Variants in PALS1 observed in about 807,000 individuals in gnomAD.
The protein encoded by PALS1 is protein associated with LIN7 1, MAGUK p55 family member, also known as protein PALS1.
In PALS1, 31 loss-of-function variants were observed where a neutral mutation model predicts 78.9. The ratio of observed to expected loss-of-function variants is 0.39; its 90% confidence interval spans 0.30 to 0.53. The LOEUF is 0.53. Among genes scored for constraint, PALS1 ranks in the 20% least tolerant of loss-of-function variants. The pLI is 0.67. For missense variants in PALS1, 704 were observed against 826.5 expected (o/e 0.85, Z 1.82); for synonymous variants, 276 against 270.9 (o/e 1.02, Z -0.18).
Position 67,292,831 on chromosome 14 carries a change from G to A in PALS1, c.576+112G>A, listed in dbSNP as rs1479140715. ...ATAAGATTTGTTTGAATTAATTACT[G>A]TTAATTACATGTTAATAATGTATTG... On this transcript the variant is annotated intron_variant, in intron 4 of 14. Coordinates refer to ENST00000261681, the MANE Select transcript of PALS1 (RefSeq NM_022474.4). 1.6e-5 allele frequency: 12 copies of A among 764,428 alleles called. No homozygotes were observed. The East Asian group carries it at 2.5e-4, about 16-fold the overall frequency. 47.4% of individuals were successfully genotyped at this position (764,428 alleles called of 1,614,324 possible).
intron 4 of PALS1, among the ~76,000 whole-genome samples, chr14:67,298,992 T>C (rs552496118): frequency 7.9e-5 from 12 of 152,346 alleles, no homozygotes; most frequent in African/African-American, 2.9e-4. Context: ...TCCATGTTGT[T>C]CTTGTATCAG....
rs745953524 is a variant in PALS1 at position 67,334,787 on chromosome 14, A to AAAACT, written c.*1834_*1838dup. The AAAACT allele has an allele frequency of 2.6e-5, 4 of 152,358 alleles. No individual in the cohort carries two copies. Among genetic ancestry groups the AAAACT allele is most frequent in the Non-Finnish European group, 5.9e-5 (4 of 68,034 alleles). 9.4% of individuals were successfully genotyped at this position (152,358 alleles called of 1,614,324 possible). ...CAGGTCACACCGATTTTTAGCATTAAAAACTAAGGAATATACTTAGCACTT... is the reference window on the plus strand; with the variant it reads ...CAGGTCACACCGATTTTTAGCATTAAAAACTAAACTAAGGAATATACTTAGCACTT... On this transcript the variant is annotated 3_prime_UTR_variant, in exon 15 of 15. Coordinates refer to ENST00000261681, the MANE Select transcript of PALS1 (RefSeq NM_022474.4).
chr14:67,255,065 C>G (rs576390981), intron 1 of PALS1, among the ~76,000 whole-genome samples: 47 of 152,236 alleles, frequency 3.1e-4, no homozygotes, highest in Admixed American at 1.6e-3. Flanking sequence ...AGGAGAATCG[C>G]TTGAACCTGG....
chr14:67,262,824 A>C (rs917182371), intron 1 of PALS1, among the ~76,000 whole-genome samples: 1 of 152,164 alleles, frequency 6.6e-6, no homozygotes, highest in Non-Finnish European at 1.5e-5. Flanking sequence ...TTATTCTCCA[A>C]CTAGGCCATA....
intron 7 of PALS1, among the ~76,000 whole-genome samples, chr14:67,303,226 A>G (rs2084953628): frequency 6.6e-6 from 1 of 152,178 alleles, no homozygotes; most frequent in African/African-American, 2.4e-5. Context: ...TTTGAGTGCA[A>G]TTTATGATCA....
chr14:67,317,946 T>C (rs993130533), intron 11 of PALS1, among the ~76,000 whole-genome samples: 18 of 152,216 alleles, frequency 1.2e-4, no homozygotes, highest in Non-Finnish European at 2.6e-4. Flanking sequence ...GCTCTGATAA[T>C]GTTGGGCTAG....
At chr14:67,290,893 G>A (rs1295604680) in intron 3 of PALS1, among the ~76,000 whole-genome samples, 1 of 152,222 alleles carries the variant, frequency 6.6e-6, no homozygotes, top group Non-Finnish European at 1.5e-5. Flanking sequence ...GAAAAATAAA[G>A]TTAAATTTTT....
chr14:67,266,855 A>AGGC (rs2084334189), intron 1 of PALS1, among the ~76,000 whole-genome samples: 3 of 152,004 alleles, frequency 2.0e-5, no homozygotes, highest in Non-Finnish European at 4.4e-5. Flanking sequence ...CATGCCTGTA[A>AGGC]TCCCAGCATG....
intron 3 of PALS1, among the ~76,000 whole-genome samples, chr14:67,291,648 A>G (rs1014795143): frequency 3.9e-5 from 6 of 152,210 alleles, no homozygotes; most frequent in Non-Finnish European, 8.8e-5. Context: ...ATTTATGCAC[A>G]CTAACAGGCA....
intron 1 of PALS1, among the ~76,000 whole-genome samples, chr14:67,266,440 C>T (rs2084325782): frequency 6.6e-6 from 1 of 152,072 alleles, no homozygotes; most frequent in Admixed American, 6.5e-5. Flanking sequence ...ATTCTCATGC[C>T]TCAGCCTGCC....
In PALS1 at chr14:67,317,458, T is replaced by G. The variant is rs748512550; in HGVS notation, c.1348T>G (p.Tyr450Asp). ...TAAAAAGAAGAGGAAAAAGGTTTTA[T>G]ATAATGCCAATAAAAATGATGGTAA... is the stretch of plus-strand genomic sequence containing the variant. ...KNKKKRKKVL[Y>D]NANKNDDYDN... is the part of the protein sequence containing the mutation. The change falls in exon 11 of 15, where the codon TAT (tyrosine) becomes GAT (aspartate). Residue 450 changes from tyrosine (Y) to aspartate (D), a missense_variant. Coordinates refer to ENST00000261681, the MANE Select transcript of PALS1 (RefSeq NM_022474.4). 1 of 1,610,484 alleles carries G rather than the reference T, an allele frequency of 6.2e-7. No individual in the cohort carries two copies. The highest frequency in any genetic ancestry group is 8.5e-7 in the Non-Finnish European group (1 of 1,177,404).
intron 4 of PALS1, among the ~76,000 whole-genome samples, chr14:67,297,770 T>G (rs925231309): frequency 6.6e-6 from 1 of 152,198 alleles, no homozygotes; most frequent in Admixed American, 6.6e-5. Flanking sequence ...CTCTCTTCCT[T>G]TCATTGAATT....
At chr14:67,261,824 A>G (rs988941671) in intron 1 of PALS1, among the ~76,000 whole-genome samples, 1 of 152,128 alleles carries the variant, frequency 6.6e-6, no homozygotes, top group Non-Finnish European at 1.5e-5. Context: ...AGGTACTAAA[A>G]TAAACTTGTA....
intron 3 of PALS1, among the ~76,000 whole-genome samples, chr14:67,290,073 C>G (rs2140800018): frequency 6.6e-6 from 1 of 151,826 alleles, no homozygotes; most frequent in Admixed American, 6.5e-5. Flanking sequence ...TGCCTGGCCT[C>G]CCTGTCTTTT....
chr14:67,300,107 G>A (rs1050180921), intron 4 of PALS1, among the ~76,000 whole-genome samples: 13 of 152,034 alleles, frequency 8.6e-5, no homozygotes, highest in Non-Finnish European at 1.6e-4. Flanking sequence ...TTGCTGTGCC[G>A]TCCTGTTTAT....
chr14:67,249,866 G>A (rs2084041579), intron 1 of PALS1, among the ~76,000 whole-genome samples: 1 of 152,176 alleles, frequency 6.6e-6, no homozygotes, highest in South Asian at 2.1e-4. Flanking sequence ...GACTGCATTC[G>A]TTTAACGTGA....
At position 67,334,726 on chromosome 14, in the gene PALS1, A is replaced by T. The variant is rs534415146; in HGVS notation, c.*1770A>T. On this transcript the variant is annotated 3_prime_UTR_variant, in exon 15 of 15. Transcript: ENST00000261681. Reference sequence around the variant, plus strand: ...ATGCCATACACTACTGTCTCTTCAGATCTGAAATACTCCAGTTTAGAGCCA... The same window carrying T: ...ATGCCATACACTACTGTCTCTTCAGTTCTGAAATACTCCAGTTTAGAGCCA... 2.0e-5 allele frequency: 3 copies of T among 152,394 alleles called. No individual in the cohort carries two copies. The highest frequency in any genetic ancestry group is 2.0e-4 in the Admixed American group (3 of 15,302). 9.4% of individuals were successfully genotyped at this position (152,394 alleles called of 1,614,324 possible). A position where few individuals can be genotyped will look rare whatever the true frequency, so the allele number is the denominator to read the frequency against.
intron 4 of PALS1, among the ~76,000 whole-genome samples, chr14:67,298,152 T>C (rs2084883981): frequency 6.6e-6 from 1 of 152,044 alleles, no homozygotes; most frequent in South Asian, 2.1e-4. Context: ...TTAGACTTAA[T>C]CTTGTGACAG....
At chr14:67,244,242 T>C (rs1005982729) in intron 1 of PALS1, among the ~76,000 whole-genome samples, 4 of 152,222 alleles carry the variant, frequency 2.6e-5, no homozygotes, top group African/African-American at 9.6e-5. Flanking sequence ...GTGTGGACGC[T>C]TTCCTAGAAT....
Sources: gnomAD v4.1 joint callset for allele counts (sites outside exome capture counted in the v4.1 genomes callset) on GRCh38, gnomAD v4.1.1 for gene constraint, MANE v1.5 for transcripts, NCBI Gene and HGNC (gene_info 2026-07-23, HGNC 2026-07-21) for gene names.